The following PPP1R13B variants were observed in gnomAD, a reference collection of about 807,000 sequenced individuals.
PPP1R13B encodes protein phosphatase 1 regulatory subunit 13B, also known as apoptosis-stimulating of p53 protein 1.
In PPP1R13B, 44 loss-of-function variants were observed where a neutral mutation model predicts 119.8. The ratio of observed to expected loss-of-function variants is 0.37; its 90% CI spans 0.29 to 0.47. PPP1R13B has a LOEUF of 0.47. PPP1R13B is among the 20% of genes least tolerant of loss of function. The probability of loss-of-function intolerance (pLI) is 0.99; values close to 1 mark genes in which losing one functional copy is unlikely to be tolerated. For synonymous variants in PPP1R13B, 542 were observed against 561.5 expected (o/e 0.97, Z 0.49); for missense variants, 1,227 against 1,413.5 (o/e 0.87, Z 2.12).
At chr14:103,844,841 T>C (rs970332718) in intron 1 of PPP1R13B, among the ~76,000 whole-genome samples, 2 of 152,222 alleles carry the variant, frequency 1.3e-5, no homozygotes, top group Admixed American at 6.5e-5. Flanking sequence ...ACTAAGCACA[T>C]GTAGCTACTG....
At chr14:103,789,232 T>TG (rs1223415048) in intron 2 of PPP1R13B, among the ~76,000 whole-genome samples, 84 of 151,656 alleles carry the variant, frequency 5.5e-4, no homozygotes, top group Middle Eastern at 3.4e-3. Context: ...ATTTTTTTTT[T>TG]GGGGGGGATG....
intron 1 of PPP1R13B, among the ~76,000 whole-genome samples, chr14:103,819,428 C>T (rs1051957467): frequency 1.0e-4 from 15 of 150,178 alleles, no homozygotes; most frequent in African/African-American, 3.2e-4. Flanking sequence ...GCCCAGGAGT[C>T]TGAGGCTGCA....
At chr14:103,800,526 C>T (rs1043021000) in intron 1 of PPP1R13B, among the ~76,000 whole-genome samples, 4 of 151,898 alleles carry the variant, frequency 2.6e-5, no homozygotes, top group Non-Finnish European at 2.9e-5. Context: ...TGGTGGCCCG[C>T]GCCTCTAGTC....
At chr14:103,760,698 T>G (rs1019822041) in intron 4 of PPP1R13B, among the ~76,000 whole-genome samples, 2 of 152,186 alleles carry the variant, frequency 1.3e-5, no homozygotes, top group Non-Finnish European at 2.9e-5. Context: ...GAACACTGTT[T>G]CTGCTACTCA....
chr14:103,743,126 C>T (rs1056601294), intron 9 of PPP1R13B, among the ~76,000 whole-genome samples: 1 of 152,206 alleles, frequency 6.6e-6, no homozygotes, highest in African/African-American at 2.4e-5. Context: ...TGGGGCTGCA[C>T]CCTATTTTAA....
intron 1 of PPP1R13B, among the ~76,000 whole-genome samples, chr14:103,830,860 A>T (rs1456681671): frequency 6.6e-6 from 1 of 152,184 alleles, no homozygotes; most frequent in Non-Finnish European, 1.5e-5. Flanking sequence ...AATATGTTCT[A>T]AAATTTGAGA....
At chr14:103,797,703 A>G (rs1166759756) in intron 1 of PPP1R13B, among the ~76,000 whole-genome samples, 185 bp from the exon 2 acceptor site, 1 of 150,806 alleles carries the variant, frequency 6.6e-6, no homozygotes, top group Non-Finnish European at 1.5e-5. Flanking sequence ...ACAAGTCAGG[A>G]AAATTCCAAA....
intron 4 of PPP1R13B, among the ~76,000 whole-genome samples, chr14:103,760,511 A>C (rs1019769941): frequency 6.6e-6 from 1 of 152,178 alleles, no homozygotes; most frequent in African/African-American, 2.4e-5. Flanking sequence ...ATTAGCAGAA[A>C]AGTTTTCTCA....
Position 103,734,990 on chromosome 14 carries a change from A to AG in PPP1R13B, c.*163dup. On this transcript the variant is annotated 3_prime_UTR_variant, in exon 17 of 17. Transcript: ENST00000202556. ...CCCAGTTAATGGGCAAACTGGAGAA[A>AG]GGGCCTCACCTGGAAACTGTAGGAT... 1 of 810,506 alleles carries AG rather than the reference A, an allele frequency of 1.2e-6. No individual in the cohort carries two copies. Among genetic ancestry groups the AG allele is most frequent in the Non-Finnish European group, 2.1e-6 (1 of 478,014 alleles). The allele number at this position is 810,506 out of a possible 1,614,324, so 50.2% of individuals were successfully genotyped here. A position where few individuals can be genotyped will look rare whatever the true frequency, so the allele number is the denominator to read the frequency against.
intron 3 of PPP1R13B, among the ~76,000 whole-genome samples, chr14:103,779,126 A>G (rs1380602257): frequency 1.3e-5 from 2 of 151,996 alleles, no homozygotes; most frequent in African/African-American, 2.4e-5. Context: ...TGTTTCCACA[A>G]TAAATATTTT....
At chr14:103,797,296 T>C in intron 2 of PPP1R13B, 75 bp downstream of exon 2, 1 of 1,435,674 alleles carries the variant, frequency 7.0e-7, no homozygotes, top group Middle Eastern at 1.8e-4. Flanking sequence ...AAAAAGCAAA[T>C]CCAGCACAAG....
intron 1 of PPP1R13B, among the ~76,000 whole-genome samples, chr14:103,804,800 G>A (rs936607520): frequency 2.6e-5 from 4 of 152,096 alleles, no homozygotes; most frequent in African/African-American, 7.2e-5. Context: ...CACAAGCATT[G>A]ACAAGGATGT....
chr14:103,775,151 T>C (rs2085156784), intron 4 of PPP1R13B, among the ~76,000 whole-genome samples: 1 of 152,178 alleles, frequency 6.6e-6, no homozygotes, highest in Non-Finnish European at 1.5e-5. Flanking sequence ...TTCCATATAT[T>C]ATATCATATA....
At chr14:103,776,678 T>C (rs182075895) in intron 4 of PPP1R13B, among the ~76,000 whole-genome samples, 43 of 152,228 alleles carry the variant, frequency 2.8e-4, no homozygotes, top group South Asian at 2.5e-3. Flanking sequence ...TGAGACCATC[T>C]TGGCTAACAC....
In PPP1R13B at chr14:103,743,229, CAATAA is replaced by C. The variant is rs2084303465; in HGVS notation, c.1151-411_1151-407del. On this transcript the variant is annotated intron_variant, in intron 9 of 16. Transcript: ENST00000202556. ...TATTTATGAATACAATTACATAGAG[CAATAA>C]AAAAGATTTATCTTTTGACTTCATA... Among the ~76,000 whole-genome samples the C allele has an allele frequency of 2.6e-5, 4 of 152,192 alleles. No homozygotes were observed. In the South Asian group the frequency reaches 8.3e-4, roughly 31 times the overall value.
At chr14:103,838,842 G>T (rs1467836484) in intron 1 of PPP1R13B, among the ~76,000 whole-genome samples, 2 of 152,130 alleles carry the variant, frequency 1.3e-5, no homozygotes, top group Non-Finnish European at 2.9e-5. Flanking sequence ...TAACTTTAAG[G>T]TCAGAGAGCC....
rs185659088 is a variant in PPP1R13B, at chr14:103,793,135, G to A, written c.157+4236C>T. ...GGAGGGAAGGCAATGGGAGGGGAGG[G>A]GAGGGGAGGGAAAGGAGGGGAAGGG... On this transcript the variant is annotated intron_variant, in intron 2 of 16. Transcript: ENST00000202556. Among the ~76,000 whole-genome samples the A allele has an allele frequency of 3.1e-3, 413 of 135,266 alleles. 4 individuals are homozygous for A. The highest frequency in any genetic ancestry group is 0.011 in the Middle Eastern group (3 of 278). 88.7% of individuals were successfully genotyped at this position (135,266 alleles called of 152,430 possible).
Position 103,741,988 on chromosome 14 carries a change from C to T in PPP1R13B, c.1624G>A (p.Asp542Asn), listed in dbSNP as rs774417702. 7 of 1,614,146 alleles carry T rather than the reference C, an allele frequency of 4.3e-6. No homozygotes were observed. The Admixed American group carries it at 1.2e-4, about 27-fold the overall frequency. Residue 542 changes from aspartate (D) to asparagine (N), a missense_variant, in exon 11 of 17, where the codon GAC becomes AAC. By Grantham distance (23) the Asp-to-Asn change is conservative (BLOSUM62 1). Transcript: ENST00000202556. ...GTCAGTGGGAGTTCAGGCTTGCTGT[C>T]CCCAGCTGGAAATGCAGGTGGTCCC... ...PAGPPAFPAG[D>N]SKPELPLTVA...
In PPP1R13B at chr14:103,734,188, C is replaced by T. The variant is rs2084028747; in HGVS notation, c.*966G>A. 1 of 255,702 alleles carries T rather than the reference C, an allele frequency of 3.9e-6. No individual in the cohort carries two copies. The highest frequency in any genetic ancestry group is 2.2e-5 in the African/African-American group (1 of 45,538). 15.8% of individuals were successfully genotyped at this position (255,702 alleles called of 1,614,324 possible). A position where few individuals can be genotyped will look rare whatever the true frequency, so the allele number is the denominator to read the frequency against. ...AGGGAGATCGGCAGAGAGGGGTGGC[C>T]CCTGACCCCAGCTCCTCTGCCCCAG... On this transcript the variant is annotated 3_prime_UTR_variant, in exon 17 of 17. Coordinates refer to ENST00000202556, the MANE Select transcript of PPP1R13B (RefSeq NM_015316.3).
Sources: allele counts gnomAD v4.1 joint callset (sites outside exome capture counted in the v4.1 genomes callset), GRCh38; gene constraint gnomAD v4.1.1; transcripts MANE v1.5; gene names NCBI Gene and HGNC (gene_info 2026-07-23, HGNC 2026-07-21).